Variants in TPH2 observed in about 807,000 individuals in gnomAD.
TPH2 encodes tryptophan 5-hydroxylase 2.
Under a neutral mutation model 59.1 loss-of-function variants are expected in TPH2, and 27 were observed. The observed-to-expected ratio is 0.46, with a 90% CI of 0.34 to 0.63. The LOEUF is 0.63. TPH2 is among the 30% of genes least tolerant of loss of function. The probability of loss-of-function intolerance (pLI) is 0.01; values close to 1 mark genes in which losing one functional copy is unlikely to be tolerated. For synonymous variants in TPH2, 220 were observed against 210.5 expected, an observed-to-expected ratio of 1.05 and a Z score of -0.39; for missense variants, 523 against 588.3, an observed-to-expected ratio of 0.89 and a Z score of 1.15.
chr12:72,011,314 C>A (rs901323079), intron 8 of TPH2, among the ~76,000 whole-genome samples: 9 of 152,104 alleles, frequency 5.9e-5, no homozygotes, highest in African/African-American at 1.9e-4. Flanking sequence ...CCTGCAGGTC[C>A]AGAAGGAATA....
At chr12:71,970,745 G>A (rs184369831) in intron 5 of TPH2, among the ~76,000 whole-genome samples, 6 of 152,326 alleles carry the variant, frequency 3.9e-5, no homozygotes, top group Admixed American at 1.3e-4. Context: ...GGTCTTAGAA[G>A]CCTTGATCTT....
chr12:71,980,406 G>A (rs7310090), intron 7 of TPH2, among the ~76,000 whole-genome samples: 128,889 of 151,996 alleles, frequency 0.85, 54,745 homozygotes, highest in East Asian at 0.96. Context: ...ATGGTAGTAG[G>A]AGTGAGCAAG....
At chr12:71,988,758 T>C (rs1342701072) in intron 7 of TPH2, among the ~76,000 whole-genome samples, 4 of 152,230 alleles carry the variant, frequency 2.6e-5, no homozygotes, top group Non-Finnish European at 5.9e-5. Flanking sequence ...TCCATTGCAC[T>C]CTTTCTGTGG....
At chr12:71,994,008 C>T (rs1566148366) in intron 7 of TPH2, among the ~76,000 whole-genome samples, 1 of 152,178 alleles carries the variant, frequency 6.6e-6, no homozygotes, top group Non-Finnish European at 1.5e-5. Flanking sequence ...TGGCTATATT[C>T]CAATAAAACT....
chr12:71,972,745 A>T (rs566787186), intron 6 of TPH2, 30 bp downstream of exon 6: 2 of 1,605,122 alleles, frequency 1.2e-6, no homozygotes, highest in African/African-American at 1.3e-5. Context: ...GTCTCTTATT[A>T]GTCAATATCC....
chr12:71,979,504 C>T (rs979957345), intron 7 of TPH2, among the ~76,000 whole-genome samples: 2 of 152,182 alleles, frequency 1.3e-5, no homozygotes, highest in Admixed American at 1.3e-4. Context: ...TCATCTCTTT[C>T]GTCACCTCCA....
chr12:71,971,765 T>C (rs1322304443), intron 5 of TPH2, among the ~76,000 whole-genome samples: 1 of 152,310 alleles, frequency 6.6e-6, no homozygotes, highest in East Asian at 1.9e-4. Context: ...AAGACAATTT[T>C]TATTAAAATA....
In TPH2 at chr12:72,032,366, T is replaced by C. The variant is rs1873746742; in HGVS notation, c.*671T>C. 6.5e-6 allele frequency: 1 copy of C among 153,896 alleles called. No homozygotes were observed. Among genetic ancestry groups the C allele is most frequent in the African/African-American group, 2.4e-5 (1 of 41,450 alleles). 9.5% of individuals were successfully genotyped at this position (153,896 alleles called of 1,614,324 possible). A position where few individuals can be genotyped will look rare whatever the true frequency, so the allele number is the denominator to read the frequency against. On this transcript the variant is annotated 3_prime_UTR_variant, in exon 11 of 11. Coordinates refer to ENST00000333850, the MANE Select transcript of TPH2 (RefSeq NM_173353.4). ...AAGATAGTACTTCCGGAAAGGACAT[T>C]AGGAAAGACTAAACAGTGGACAATC...
chr12:71,978,431 A>G (rs1330413755), intron 6 of TPH2, among the ~76,000 whole-genome samples: 1 of 152,200 alleles, frequency 6.6e-6, no homozygotes, highest in Non-Finnish European at 1.5e-5. Flanking sequence ...TCTTCAAATC[A>G]TGATAATTTA....
chr12:72,002,199 A>G (rs997646044), intron 8 of TPH2, among the ~76,000 whole-genome samples: 1 of 152,174 alleles, frequency 6.6e-6, no homozygotes, highest in Non-Finnish European at 1.5e-5. Context: ...TCAATCAAAA[A>G]TAATATTAGA....
In TPH2 at chr12:71,977,470, C is replaced by CAT. The variant is rs1491425602; in HGVS notation, c.806-1481_806-1480insTA. ...TACTACACACACACACACACACACA[C>CAT]AGACACACGCACACGCATGTGCACA... On this transcript the variant is annotated intron_variant, in intron 6 of 10. Coordinates refer to ENST00000333850, the MANE Select transcript of TPH2 (RefSeq NM_173353.4). Among the ~76,000 whole-genome samples, 763 of 151,536 alleles carry CAT rather than the reference C, an allele frequency of 5.0e-3. 115 individuals carry two copies. The highest frequency in any genetic ancestry group is 6.4e-3 in the African/African-American group (264 of 41,206).
At chr12:71,943,637 T>A (rs1871130564) in intron 2 of TPH2, among the ~76,000 whole-genome samples, 1 of 152,040 alleles carries the variant, frequency 6.6e-6, no homozygotes, top group Admixed American at 6.6e-5. Context: ...TTTTTCACCC[T>A]CCTTGCAATC....
intron 5 of TPH2, among the ~76,000 whole-genome samples, chr12:71,950,851 G>A (rs758766147): frequency 2.6e-5 from 4 of 152,102 alleles, no homozygotes; most frequent in Non-Finnish European, 5.9e-5. Flanking sequence ...TGGTGCTTAA[G>A]ACAGATGAGA....
chr12:71,964,824 G>T (rs1871771551), intron 5 of TPH2: 1 of 802,764 alleles, frequency 1.2e-6, no homozygotes. Context: ...ACATGTGAAG[G>T]TTTGTTACAT....
chr12:72,022,414 A>G lies in TPH2; in HGVS notation c.1084A>G (p.Ile362Val), dbSNP rs756911079. 1.2e-5 allele frequency: 19 copies of G among 1,613,960 alleles called. No homozygotes were observed. The East Asian group carries it at 3.6e-4, about 30-fold the overall frequency. ...QKLATCYFFT[I>V]EFGLCKQEGQ... ...TTTTCTTCAGTGCTATTTCTTCACA[A>G]TCGAGTTTGGCCTTTGCAAGCAAGA... Residue 362 changes from isoleucine to valine, a missense_variant, in exon 9 of 11, where the codon ATC (isoleucine) becomes GTC (valine). Physicochemically the swap from Ile to Val is conservative, Grantham distance 29 (BLOSUM62 3). Transcript: ENST00000333850.
intron 8 of TPH2, among the ~76,000 whole-genome samples, chr12:72,008,223 A>G (rs188658033): frequency 9.6e-4 from 146 of 152,342 alleles, no homozygotes; most frequent in Middle Eastern, 3.4e-3. Flanking sequence ...ATTTGCTGTT[A>G]CATATGCTTA....
chr12:71,978,910 G>A (rs763591593), intron 6 of TPH2, 42 bp from the exon 7 acceptor site: 1 of 1,613,888 alleles, frequency 6.2e-7, no homozygotes, highest in Non-Finnish European at 8.5e-7. Flanking sequence ...CTCAAGTCTT[G>A]CTGGGTTAAT....
At chr12:72,000,171 C>G (rs751324794) in intron 8 of TPH2, among the ~76,000 whole-genome samples, 1 of 152,292 alleles carries the variant, frequency 6.6e-6, no homozygotes, top group East Asian at 1.9e-4. Context: ...AATATATAGT[C>G]ACTGAAGGAA....
chr12:72,023,823 A>AG (rs1873493589), intron 9 of TPH2, among the ~76,000 whole-genome samples: 1 of 147,890 alleles, frequency 6.8e-6, no homozygotes, highest in South Asian at 2.2e-4. Context: ...CTCTGACAGA[A>AG]AAAAAAAAAA....
Sources: gnomAD v4.1 joint callset for allele counts (sites outside exome capture counted in the v4.1 genomes callset) on GRCh38, gnomAD v4.1.1 for gene constraint, MANE v1.5 for transcripts, NCBI Gene and HGNC (gene_info 2026-07-23, HGNC 2026-07-21) for gene names.